The following STOX2 variants were observed in gnomAD, a reference collection of about 807,000 sequenced individuals.
STOX2 encodes the protein storkhead box 2.
A neutral mutation model predicts 60.9 loss-of-function variants in STOX2; 28 were observed. The ratio of observed to expected loss-of-function variants is 0.46; its 90% CI spans 0.34 to 0.63. The LOEUF (loss-of-function observed/expected upper bound fraction) is 0.63. Among genes scored for constraint, STOX2 ranks in the 30% least tolerant of loss-of-function variants. STOX2 has a pLI of 0.01. For missense variants in STOX2, 1,024 were observed against 1,187.7 expected, an observed-to-expected ratio of 0.86 and a Z score of 2.03; for synonymous variants, 472 against 463.9, an observed-to-expected ratio of 1.02 and a Z score of -0.22.
At chr4:183,939,915 T>A (rs1371981582) in intron 1 of STOX2, among the ~76,000 whole-genome samples, 4 of 152,200 alleles carry the variant, frequency 2.6e-5, no homozygotes, top group Non-Finnish European at 2.9e-5. Flanking sequence ...GATAGCATTT[T>A]TTTCTTTTAA....
intron 1 of STOX2, among the ~76,000 whole-genome samples, chr4:183,877,822 A>G (rs575749644): frequency 6.6e-6 from 1 of 152,200 alleles, no homozygotes; most frequent in East Asian, 1.9e-4. Flanking sequence ...CTGGGACTAC[A>G]GGTGCCTGCC....
chr4:183,892,750 C>A (rs754492124), intron 1 of STOX2, among the ~76,000 whole-genome samples: 1 of 151,946 alleles, frequency 6.6e-6, no homozygotes, highest in Non-Finnish European at 1.5e-5. Context: ...ATATACTTAA[C>A]CTCTCCTCCG....
intron 1 of STOX2, among the ~76,000 whole-genome samples, chr4:183,946,178 C>T (rs1742880970): frequency 6.6e-6 from 1 of 151,768 alleles, no homozygotes; most frequent in South Asian, 2.1e-4. Context: ...AATAAAATGG[C>T]AGGATAGCAT....
chr4:183,893,532 C>A (rs570311765), intron 1 of STOX2, among the ~76,000 whole-genome samples: 1 of 152,254 alleles, frequency 6.6e-6, no homozygotes, highest in African/African-American at 2.4e-5. Flanking sequence ...TGCAACAGAT[C>A]TTGAGTCTTC....
Position 183,905,952 on chromosome 4 carries a change from A to G in STOX2, c.-839A>G, listed in dbSNP as rs1369430511. 7 of 151,874 alleles carry G rather than the reference A, an allele frequency of 4.6e-5. No homozygotes were observed. Among genetic ancestry groups the G allele is most frequent in the Non-Finnish European group, 1.0e-4 (7 of 67,970 alleles). The allele number at this position is 151,874 out of a possible 1,614,324, so 9.4% of individuals were successfully genotyped here. ...CACATGCGTGTCGGCGCACCCACCC[A>G]GCCATCCACCCGCGCGCACGCACAG... On this transcript the variant is annotated 5_prime_UTR_variant, in exon 1 of 4. Transcript: ENST00000308497.
At chr4:183,832,195 G>A (rs542056034) in intron 1 of STOX2, among the ~76,000 whole-genome samples, 1 of 151,592 alleles carries the variant, frequency 6.6e-6, no homozygotes, top group East Asian at 2.0e-4. Flanking sequence ...TCACCATGTT[G>A]GCCAGGCTGG....
At chr4:184,007,045 A>AAAAAAAAAAAAAAAAC (rs1553987519) in intron 2 of STOX2, among the ~76,000 whole-genome samples, 1 of 118,472 alleles carries the variant, frequency 8.4e-6, no homozygotes, top group African/African-American at 3.1e-5. Flanking sequence ...AAACAAAAAA[A>AAAAAAAAAAAAAAAAC]AAATTTTGTT....
chr4:183,841,036 T>A (rs1340342080), intron 1 of STOX2, among the ~76,000 whole-genome samples: 1 of 152,160 alleles, frequency 6.6e-6, no homozygotes, highest in African/African-American at 2.4e-5. Context: ...TCCGGCTAAT[T>A]TTTGTATTTT....
At chr4:183,807,049 T>G (rs1257951028) in intron 1 of STOX2, among the ~76,000 whole-genome samples, 4 of 152,106 alleles carry the variant, frequency 2.6e-5, no homozygotes, top group Non-Finnish European at 5.9e-5. Context: ...CTCGGCTCAC[T>G]GCAAGCTCCG....
chr4:183,951,355 C>G (rs889548415), intron 1 of STOX2, among the ~76,000 whole-genome samples: 1 of 150,734 alleles, frequency 6.6e-6, no homozygotes, highest in Non-Finnish European at 1.5e-5. Flanking sequence ...GGAAGAGGAG[C>G]AAGACTAGAG....
intron 1 of STOX2, among the ~76,000 whole-genome samples, chr4:183,991,155 G>A (rs1318464827): frequency 1.3e-5 from 2 of 151,964 alleles, no homozygotes; most frequent in African/African-American, 4.8e-5. Context: ...CCATCTCCTA[G>A]TGCCTTTTTC....
At chr4:183,973,483 T>G (rs540797026) in intron 1 of STOX2, among the ~76,000 whole-genome samples, 4 of 152,196 alleles carry the variant, frequency 2.6e-5, no homozygotes, top group Admixed American at 2.6e-4. Context: ...GGAACACTAT[T>G]TTTAAAATAA....
chr4:183,924,378 A>G (rs1742182805), intron 1 of STOX2, among the ~76,000 whole-genome samples: 1 of 152,098 alleles, frequency 6.6e-6, no homozygotes, highest in Admixed American at 6.5e-5. Context: ...GACATGGGAA[A>G]GGACTTCTGA....
intron 1 of STOX2, among the ~76,000 whole-genome samples, chr4:183,975,549 C>T (rs1387677673): frequency 3.3e-5 from 5 of 152,038 alleles, no homozygotes; most frequent in Non-Finnish European, 7.4e-5. Flanking sequence ...GAGCTCTGTG[C>T]ACATAAATTC....
At chr4:183,820,926 C>G (rs1336435250) in intron 1 of STOX2, among the ~76,000 whole-genome samples, 3 of 150,592 alleles carry the variant, frequency 2.0e-5, no homozygotes, top group Non-Finnish European at 4.4e-5. Flanking sequence ...CATAGTGAGA[C>G]CCCGTCTCTA....
At chr4:183,853,175 T>C (rs1740201327) in intron 1 of STOX2, among the ~76,000 whole-genome samples, 3 of 152,186 alleles carry the variant, frequency 2.0e-5, no homozygotes, top group East Asian at 1.9e-4. Flanking sequence ...GTTGAAGGAC[T>C]GTTCTCTTCT....
chr4:183,946,242 T>C (rs1742882698), intron 1 of STOX2, among the ~76,000 whole-genome samples: 1 of 152,232 alleles, frequency 6.6e-6, no homozygotes, highest in Non-Finnish European at 1.5e-5. Context: ...CAAGCGTTTA[T>C]TTGCTGTGCG....
intron 1 of STOX2, among the ~76,000 whole-genome samples, chr4:183,807,130 GC>G (rs1184830403): frequency 1.3e-5 from 2 of 151,962 alleles, no homozygotes; most frequent in African/African-American, 2.4e-5. Flanking sequence ...CCACCACCAC[GC>G]CCAGCTAATT....
chr4:183,983,445 G>C (rs1243902673), intron 1 of STOX2, among the ~76,000 whole-genome samples: 2 of 152,212 alleles, frequency 1.3e-5, no homozygotes, highest in African/African-American at 2.4e-5. Flanking sequence ...AGTGTGTTTT[G>C]AGTCGAAAGG....
Sources: gnomAD v4.1 joint callset for allele counts (sites outside exome capture counted in the v4.1 genomes callset) on GRCh38, gnomAD v4.1.1 for gene constraint, MANE v1.5 for transcripts, NCBI Gene and HGNC (gene_info 2026-07-23, HGNC 2026-07-21) for gene names.